HS3ST5: variants seen among roughly 807,000 people sequenced by gnomAD.
HS3ST5 encodes the protein heparan sulfate-glucosamine 3-sulfotransferase 5.
In HS3ST5, 10 loss-of-function variants were observed where a neutral mutation model predicts 25.4. The ratio of observed to expected loss-of-function variants is 0.39; its 90% confidence interval spans 0.24 to 0.67. The LOEUF is 0.67. Ranked by LOEUF, HS3ST5 falls within the 30% of genes least tolerant of loss-of-function variation. The pLI, the probability that HS3ST5 is intolerant of heterozygous loss-of-function variation, is 0.44. For missense variants in HS3ST5, 324 were observed against 420.7 expected, an observed-to-expected ratio of 0.77 and a Z score of 2.01; for synonymous variants, 170 against 162.4, an observed-to-expected ratio of 1.05 and a Z score of -0.36.
intron 1 of HS3ST5, among the ~76,000 whole-genome samples, chr6:114,261,808 T>C (rs1016857057): frequency 6.6e-6 from 1 of 152,236 alleles, no homozygotes; most frequent in Non-Finnish European, 1.5e-5. Flanking sequence ...TTCTTCCATG[T>C]TAAAAATCTG....
At chr6:114,240,783 C>CT (rs1286999466) in intron 1 of HS3ST5, among the ~76,000 whole-genome samples, 1 of 152,212 alleles carries the variant, frequency 6.6e-6, no homozygotes, top group East Asian at 1.9e-4. Context: ...CAGTATGCTG[C>CT]TTTTTGTACC....
chr6:114,122,196 G>T (rs1034399494), intron 3 of HS3ST5, among the ~76,000 whole-genome samples: 2 of 152,206 alleles, frequency 1.3e-5, no homozygotes, highest in African/African-American at 4.8e-5. Context: ...AGCCCTTAGA[G>T]TCATGCTTTG....
At chr6:114,173,382 T>C (rs945778863) in intron 2 of HS3ST5, among the ~76,000 whole-genome samples, 2 of 152,172 alleles carry the variant, frequency 1.3e-5, no homozygotes, top group Non-Finnish European at 2.9e-5. Context: ...AACTCATCAA[T>C]AAAATATTTT....
chr6:114,105,508 T>G (rs1775948353), intron 3 of HS3ST5, among the ~76,000 whole-genome samples: 1 of 152,336 alleles, frequency 6.6e-6, no homozygotes, highest in South Asian at 2.1e-4. Flanking sequence ...ATTGATTATA[T>G]TTTTTATTTA....
intron 1 of HS3ST5, among the ~76,000 whole-genome samples, chr6:114,325,394 T>C (rs1447620441): frequency 6.6e-6 from 1 of 152,194 alleles, no homozygotes; most frequent in Non-Finnish European, 1.5e-5. Flanking sequence ...TTCAAAAACA[T>C]GTTAGGACAG....
At chr6:114,269,260 T>C (rs1408647939) in intron 1 of HS3ST5, among the ~76,000 whole-genome samples, 1 of 152,160 alleles carries the variant, frequency 6.6e-6, no homozygotes, top group Non-Finnish European at 1.5e-5. Flanking sequence ...ATTAACCATC[T>C]TACCTAATAT....
intron 3 of HS3ST5, among the ~76,000 whole-genome samples, chr6:114,098,740 A>G (rs1376737428): frequency 6.6e-6 from 1 of 151,970 alleles, no homozygotes; most frequent in East Asian, 1.9e-4. Context: ...CATTCATCTT[A>G]GAATAAATAA....
At chr6:114,120,718 G>C (rs1219414855) in intron 3 of HS3ST5, among the ~76,000 whole-genome samples, 1 of 151,750 alleles carries the variant, frequency 6.6e-6, no homozygotes, top group African/African-American at 2.4e-5. Context: ...ACTTAACAGA[G>C]AAAAAAAGGA....
intron 3 of HS3ST5, among the ~76,000 whole-genome samples, chr6:114,122,345 T>C (rs982992323): frequency 4.6e-5 from 7 of 152,226 alleles, no homozygotes; most frequent in Admixed American, 4.6e-4. Context: ...AGTGAGATCC[T>C]ACTTTTCAGT....
At chr6:114,254,973 A>G (rs917508600) in intron 1 of HS3ST5, among the ~76,000 whole-genome samples, 1 of 152,136 alleles carries the variant, frequency 6.6e-6, no homozygotes, top group Non-Finnish European at 1.5e-5. Flanking sequence ...AAAACCAATC[A>G]TGCCTTCCCA....
intron 1 of HS3ST5, among the ~76,000 whole-genome samples, chr6:114,250,293 T>C (rs997711244): frequency 3.9e-5 from 6 of 152,080 alleles, no homozygotes; most frequent in African/African-American, 1.4e-4. Flanking sequence ...TTAAAAAAAT[T>C]ATCAGAGGCT....
intron 1 of HS3ST5, among the ~76,000 whole-genome samples, chr6:114,336,225 A>G (rs1230900184): frequency 6.6e-6 from 1 of 152,232 alleles, no homozygotes; most frequent in Non-Finnish European, 1.5e-5. Flanking sequence ...AATTTTTACT[A>G]TGTATGACAC....
chr6:114,217,708 A>G (rs1781836346), intron 2 of HS3ST5, among the ~76,000 whole-genome samples: 1 of 152,202 alleles, frequency 6.6e-6, no homozygotes, highest in African/African-American at 2.4e-5. Flanking sequence ...GGAAATTGAG[A>G]CTTAGCAAAC....
intron 1 of HS3ST5, among the ~76,000 whole-genome samples, chr6:114,315,099 T>C (rs1775693828): frequency 6.6e-6 from 1 of 152,198 alleles, no homozygotes; most frequent in African/African-American, 2.4e-5. Flanking sequence ...TTAATAACTA[T>C]AGTATGTGGC....
intron 3 of HS3ST5, among the ~76,000 whole-genome samples, chr6:114,166,126 A>T (rs148909982): frequency 2.7e-3 from 404 of 152,300 alleles, no homozygotes; most frequent in African/African-American, 9.3e-3. Flanking sequence ...GTCATCTTTC[A>T]TCCTTCTAAT....
chr6:114,295,702 T>C (rs188308024), intron 1 of HS3ST5, among the ~76,000 whole-genome samples: 48 of 152,300 alleles, frequency 3.2e-4, no homozygotes, highest in Admixed American at 2.4e-3. Flanking sequence ...CTCAGGGCCA[T>C]GTACAAGCAA....
chr6:114,284,668 T>C (rs995808413), intron 1 of HS3ST5, among the ~76,000 whole-genome samples: 12 of 139,676 alleles, frequency 8.6e-5, no homozygotes, highest in African/African-American at 3.2e-4. Context: ...TTTTCCATAA[T>C]AAGCGGCATA....
chr6:114,187,791 C>T (rs559730869), intron 2 of HS3ST5, among the ~76,000 whole-genome samples: 2 of 152,176 alleles, frequency 1.3e-5, no homozygotes, highest in Admixed American at 6.5e-5. Context: ...AAGAGTCGAT[C>T]GATGTGGCCA....
chr6:114,220,311 T>G (rs997177145), intron 2 of HS3ST5, among the ~76,000 whole-genome samples: 8 of 152,088 alleles, frequency 5.3e-5, no homozygotes, highest in Admixed American at 4.6e-4. Flanking sequence ...TTATTTAATT[T>G]TTTGCATATG....
Sources: allele counts gnomAD v4.1 joint callset (sites outside exome capture counted in the v4.1 genomes callset), GRCh38; gene constraint gnomAD v4.1.1; transcripts MANE v1.5; gene names NCBI Gene and HGNC (gene_info 2026-07-23, HGNC 2026-07-21).